GLDN: variants seen among roughly 807,000 people sequenced by gnomAD.
GLDN encodes the protein gliomedin, also known as collomin.
In GLDN, 47 loss-of-function variants were observed where a neutral mutation model predicts 56.5. The ratio of observed to expected loss-of-function variants is 0.83; its 90% confidence interval spans 0.66 to 1.06. The LOEUF (loss-of-function observed/expected upper bound fraction) is 1.06, where lower values mean the gene tolerates loss of function less well. Ranked by LOEUF, GLDN falls within the 50% of genes least tolerant of loss-of-function variation. The pLI, the probability that GLDN is intolerant of heterozygous loss-of-function variation, is 0.00. For missense variants in GLDN, 782 were observed against 714.3 expected (o/e 1.09, Z -1.08); for synonymous variants, 332 against 278.8 (o/e 1.19, Z -1.90).
At chr15:51,359,548 T>C (rs2037250656) in intron 1 of GLDN, among the ~76,000 whole-genome samples, 1 of 152,126 alleles carries the variant, frequency 6.6e-6, no homozygotes, top group African/African-American at 2.4e-5. Flanking sequence ...GTCACAGGCA[T>C]TTACTGACTT....
rs2038414651 is a variant in GLDN, at chr15:51,407,705, G to A, written c.*2951G>A. 6.6e-6 allele frequency: 1 copy of A among 152,184 alleles called. No homozygotes were observed. The highest frequency in any genetic ancestry group is 1.5e-5 in the Non-Finnish European group (1 of 68,058). 9.4% of individuals were successfully genotyped at this position (152,184 alleles called of 1,614,324 possible). A position where few individuals can be genotyped will look rare whatever the true frequency, so the allele number is the denominator to read the frequency against. On this transcript the variant is annotated 3_prime_UTR_variant, in exon 10 of 10. Coordinates refer to ENST00000335449, the MANE Select transcript of GLDN (RefSeq NM_181789.4). ...TTTAAGATGAGGAGTTCTGATCTTA[G>A]GCATCTTAACAGTCACAAGGTGAAA...
intron 1 of GLDN, among the ~76,000 whole-genome samples, chr15:51,373,020 A>G (rs2037547502): frequency 6.6e-6 from 1 of 152,196 alleles, no homozygotes. Context: ...GGAGTTCTGC[A>G]GACCTAAATG....
intron 1 of GLDN, among the ~76,000 whole-genome samples, chr15:51,348,630 A>G (rs2037021640): frequency 6.6e-6 from 1 of 152,046 alleles, no homozygotes; most frequent in Non-Finnish European, 1.5e-5. Flanking sequence ...CACTGTGTCT[A>G]GCCTGATTTT....
chr15:51,379,136 C>T (rs2037699268), intron 2 of GLDN, among the ~76,000 whole-genome samples: 1 of 152,204 alleles, frequency 6.6e-6, no homozygotes, highest in South Asian at 2.1e-4. Context: ...TTCTGTGCAA[C>T]CTTTAACATC....
At chr15:51,380,711 C>G (rs998701893) in intron 2 of GLDN, among the ~76,000 whole-genome samples, 5 of 152,176 alleles carry the variant, frequency 3.3e-5, no homozygotes, top group Non-Finnish European at 7.3e-5. Flanking sequence ...CTTCTGACAA[C>G]TCTCTCTTTC....
Position 51,400,425 on chromosome 15 carries a change from G to A in GLDN, c.954G>A (p.Glu318=). Residue 318 remains glutamate (E), a synonymous_variant, in exon 8 of 10, where the codon GAG becomes GAA. Coordinates refer to ENST00000335449, the MANE Select transcript of GLDN (RefSeq NM_181789.4). ...CAGTGCAAGTACTGAAAGTGACAGAGACATTTGGGACTTGGATAAGAGAGT... is the reference window on the plus strand; with the variant it reads ...CAGTGCAAGTACTGAAAGTGACAGAAACATTTGGGACTTGGATAAGAGAGT... ...GNPVQVLKVT[E]TFGTWIRESA... 6.2e-7 allele frequency: 1 copy of A among 1,614,200 alleles called. No homozygotes were observed. The highest frequency in any genetic ancestry group is 8.5e-7 in the Non-Finnish European group (1 of 1,180,008).
chr15:51,371,871 G>A (rs1464426044), intron 1 of GLDN, among the ~76,000 whole-genome samples: 1 of 152,192 alleles, frequency 6.6e-6, no homozygotes, highest in Non-Finnish European at 1.5e-5. Flanking sequence ...TTTTAGTAGA[G>A]ACAAGGTTTC....
intron 2 of GLDN, among the ~76,000 whole-genome samples, chr15:51,379,144 ATC>A (rs1374287216): frequency 6.6e-6 from 1 of 152,152 alleles, no homozygotes; most frequent in East Asian, 1.9e-4. Context: ...AACCTTTAAC[ATC>A]TCAGTTGGAT....
chr15:51,351,925 G>A (rs2037082973), intron 1 of GLDN, among the ~76,000 whole-genome samples: 1 of 152,166 alleles, frequency 6.6e-6, no homozygotes. Context: ...ACCTCATTAG[G>A]TTGTTCGGAT....
chr15:51,352,317 G>T (rs1185834142), intron 1 of GLDN, among the ~76,000 whole-genome samples: 1 of 151,922 alleles, frequency 6.6e-6, no homozygotes, highest in African/African-American at 2.4e-5. Flanking sequence ...ATTTATGTAG[G>T]CTTTCCCTTC....
chr15:51,353,713 T>TAAA (rs1566935693), intron 1 of GLDN, among the ~76,000 whole-genome samples: 1,878 of 80,404 alleles, frequency 0.023, 123 homozygotes, highest in African/African-American at 0.1. Flanking sequence ...TCGGATTTGA[T>TAAA]TAAAAAAAAA....
intron 2 of GLDN, among the ~76,000 whole-genome samples, chr15:51,382,854 T>C (rs972502491): frequency 1.3e-5 from 2 of 152,122 alleles, no homozygotes; most frequent in Admixed American, 1.3e-4. Context: ...GGGAGCAAAA[T>C]TCATGTGAAC....
At chr15:51,358,968 A>T (rs1231162346) in intron 1 of GLDN, among the ~76,000 whole-genome samples, 2 of 152,096 alleles carry the variant, frequency 1.3e-5, no homozygotes, top group Non-Finnish European at 2.9e-5. Flanking sequence ...ATAACCCACA[A>T]TTATGTAAAA....
At chr15:51,367,866 A>G (rs1029525121) in intron 1 of GLDN, among the ~76,000 whole-genome samples, 1 of 152,182 alleles carries the variant, frequency 6.6e-6, no homozygotes, top group Non-Finnish European at 1.5e-5. Flanking sequence ...ATTGCCCTAC[A>G]GACCAGGCCA....
intron 1 of GLDN, among the ~76,000 whole-genome samples, chr15:51,353,442 G>A (rs532546320): frequency 9.9e-5 from 15 of 152,200 alleles, no homozygotes; most frequent in South Asian, 6.2e-4. Context: ...ATGCCTCTGC[G>A]TGACCACTGA....
chr15:51,374,947 A>C (rs2037600242), intron 1 of GLDN, among the ~76,000 whole-genome samples: 1 of 152,112 alleles, frequency 6.6e-6, no homozygotes, highest in African/African-American at 2.4e-5. Flanking sequence ...TATGTTACCC[A>C]GGCTGGTTGG....
At chr15:51,393,557 C>T (rs1325840429) in intron 4 of GLDN, among the ~76,000 whole-genome samples, 1 of 152,204 alleles carries the variant, frequency 6.6e-6, no homozygotes, top group African/African-American at 2.4e-5. Flanking sequence ...CCTTCAGTCA[C>T]AGGTTCAAGG....
At chr15:51,355,087 C>A (rs1227225464) in intron 1 of GLDN, among the ~76,000 whole-genome samples, 5 of 152,128 alleles carry the variant, frequency 3.3e-5, no homozygotes, top group Non-Finnish European at 5.9e-5. Flanking sequence ...TAGAGAGGGT[C>A]CTTGGATCAT....
intron 1 of GLDN, among the ~76,000 whole-genome samples, chr15:51,353,243 C>T (rs552642890): frequency 6.6e-6 from 1 of 152,050 alleles, no homozygotes; most frequent in East Asian, 1.9e-4. Flanking sequence ...TCCTAGCCCC[C>T]TCTGCCTGCC....
Sources: allele counts gnomAD v4.1 joint callset (sites outside exome capture counted in the v4.1 genomes callset), GRCh38; gene constraint gnomAD v4.1.1; transcripts MANE v1.5; gene names NCBI Gene and HGNC (gene_info 2026-07-23, HGNC 2026-07-21).